TMEM222: variants seen among roughly 807,000 people sequenced by gnomAD.
TMEM222 encodes chromosome 1 open reading frame 160.
TMEM222 carries 18 observed loss-of-function variants against 25.1 expected under a neutral mutation model. That is an observed-to-expected ratio of 0.72 (90% CI 0.50 to 1.06). TMEM222 has a LOEUF of 1.06. Ranked by LOEUF, TMEM222 falls within the 50% of genes least tolerant of loss-of-function variation. TMEM222 has a pLI of 0.00. For missense variants in TMEM222, 296 were observed against 293.7 expected, an observed-to-expected ratio of 1.01 and a Z score of -0.06; for synonymous variants, 131 against 117.9, an observed-to-expected ratio of 1.11 and a Z score of -0.72.
At position 27,322,383 on chromosome 1, in the gene TMEM222, G is replaced by T; in HGVS notation, c.186G>T (p.Pro62=). The change falls in exon 1 of 6, where the codon CCG becomes CCT. Residue 62 remains proline (P), a synonymous_variant. Coordinates refer to ENST00000374076, the MANE Select transcript of TMEM222 (RefSeq NM_032125.3). The part of the protein sequence containing the change: ...FPYCVVWTPI[P]VLTWFFPIIG... ...ACTGCGTGGTGTGGACGCCCATCCC[G>T]GTGCTCACGTGAGTCTCTTCCGGCA... 1 of 1,446,562 alleles carries T rather than the reference G, an allele frequency of 6.9e-7. No individual in the cohort carries two copies. The highest frequency in any genetic ancestry group is 9.2e-7 in the Non-Finnish European group (1 of 1,087,238). The allele number at this position is 1,446,562 out of a possible 1,614,324, so 89.6% of individuals were successfully genotyped here.
intron 1 of TMEM222, among the ~76,000 whole-genome samples, chr1:27,324,324 CA>C (rs920416182): frequency 6.6e-6 from 1 of 150,602 alleles, no homozygotes; most frequent in East Asian, 1.9e-4. Context: ...AACTCCGTTT[CA>C]AAAAAAAAGA....
intron 1 of TMEM222, among the ~76,000 whole-genome samples, chr1:27,326,735 A>G (rs764574462): frequency 1.3e-5 from 2 of 152,094 alleles, no homozygotes; most frequent in Non-Finnish European, 2.9e-5. Flanking sequence ...GAGTTAGCCT[A>G]CCTTCCCAGA....
Position 27,335,415 on chromosome 1 carries a change from CCTT to C in TMEM222, c.579_581del (p.Leu195del). ...TCGTGAAGACCTGGCTGCCCTTCAT[CCTT>C]CTCCTGGGCATCATCCTCACCGTCA... On this transcript the variant is annotated inframe_deletion, in exon 6 of 6. Transcript: ENST00000374076. The C allele has an allele frequency of 6.2e-7, 1 of 1,614,236 alleles. No homozygotes were observed. Among genetic ancestry groups the C allele is most frequent in the South Asian group, 1.1e-5 (1 of 91,082 alleles).
chr1:27,330,181 G>A (rs947438274), intron 1 of TMEM222, among the ~76,000 whole-genome samples: 4 of 151,778 alleles, frequency 2.6e-5, no homozygotes, highest in African/African-American at 7.3e-5. Flanking sequence ...CGTGGATCAC[G>A]AGGTCAAGAG....
chr1:27,334,990 T>C (rs1024520088), intron 5 of TMEM222: 1 of 322,124 alleles, frequency 3.1e-6, no homozygotes, highest in Non-Finnish European at 5.6e-6. Flanking sequence ...GTCCCCATTA[T>C]GAAGTCCATA....
At position 27,334,586 on chromosome 1, in the gene TMEM222, G is replaced by A. The variant is rs556442464; in HGVS notation, c.539+305G>A. The A allele has an allele frequency of 3.0e-5, 43 of 1,442,860 alleles. No individual in the cohort carries two copies. In the East Asian group the frequency reaches 8.2e-4, roughly 28 times the overall value. 89.4% of individuals were successfully genotyped at this position (1,442,860 alleles called of 1,614,324 possible). A position where few individuals can be genotyped will look rare whatever the true frequency, so the allele number is the denominator to read the frequency against. On this transcript the variant is annotated intron_variant, in intron 5 of 5. Transcript: ENST00000374076. ...CTGGTGAAATGCAGGCAATGATTCC[G>A]GCTCCTCAGGGAGGCTTCTACGGAT... is the stretch of plus-strand genomic sequence containing the variant.
In TMEM222 at chr1:27,330,591, C is replaced by T. The variant is rs556760230; in HGVS notation, c.195-129C>T. On this transcript the variant is annotated intron_variant, in intron 1 of 5. Coordinates refer to ENST00000374076, the MANE Select transcript of TMEM222 (RefSeq NM_032125.3). The stretch of plus-strand genomic sequence containing the variant: ...GTGCTTCCCCAGCCTTCTGGACCAC[C>T]CTAATGGCCACCTGTCAATGAAACG... The T allele has an allele frequency of 5.0e-6, 4 of 796,304 alleles. No homozygotes were observed. The South Asian group carries it at 6.3e-5, about 13-fold the overall frequency. 49.3% of individuals were successfully genotyped at this position (796,304 alleles called of 1,614,324 possible).
intron 3 of TMEM222, 172 bp from the exon 4 acceptor site, chr1:27,333,786 A>G (rs948625599): frequency 1.6e-6 from 1 of 610,778 alleles, no homozygotes; most frequent in Admixed American, 2.9e-5. Context: ...GGCACCAGCC[A>G]CCTCACCCTG....
chr1:27,331,047 C>T, intron 2 of TMEM222: 1 of 1,416,318 alleles, frequency 7.1e-7, no homozygotes. Flanking sequence ...CCCTTTGCCC[C>T]CACCCCTGGG....
At chr1:27,325,921 T>C in intron 1 of TMEM222, 2 of 678,270 alleles carry the variant, frequency 2.9e-6, no homozygotes, top group Non-Finnish European at 5.4e-6. Context: ...GAAAAGAAAT[T>C]GTCGTTGAAG....
chr1:27,329,081 T>C (rs1450709213), intron 1 of TMEM222, among the ~76,000 whole-genome samples: 1 of 152,210 alleles, frequency 6.6e-6, no homozygotes, highest in African/African-American at 2.4e-5. Flanking sequence ...AAAGGAACTT[T>C]TATTTCCTGG....
intron 1 of TMEM222, among the ~76,000 whole-genome samples, chr1:27,323,881 A>G (rs1465569137): frequency 6.6e-6 from 1 of 152,242 alleles, no homozygotes; most frequent in Non-Finnish European, 1.5e-5. Flanking sequence ...GTTCTAGGTG[A>G]TGCGAATATA....
chr1:27,330,574 C>T, intron 1 of TMEM222, 146 bp from the exon 2 acceptor site: 1 of 688,562 alleles, frequency 1.5e-6, no homozygotes, highest in Non-Finnish European at 2.6e-6. Flanking sequence ...CTGTGCTTCC[C>T]CAGCCTTCTG....
intron 1 of TMEM222, among the ~76,000 whole-genome samples, chr1:27,323,891 A>T (rs1441726337): frequency 3.9e-5 from 6 of 152,390 alleles, no homozygotes; most frequent in South Asian, 4.1e-4. Flanking sequence ...ATGCGAATAT[A>T]CAGTGATGAA....
Position 27,330,651 on chromosome 1 carries a change from C to A in TMEM222, c.195-69C>A. The stretch of plus-strand genomic sequence containing the variant: ...CATGCTTCTGTACTGTATGAAGGGT[C>A]CCCAGCGTCCGTCTAACTGGCTGAA... On this transcript the variant is annotated intron_variant, in intron 1 of 5. Coordinates refer to ENST00000374076, the MANE Select transcript of TMEM222 (RefSeq NM_032125.3). The A allele has an allele frequency of 5.4e-6, 7 of 1,297,420 alleles. 1 individual carries two copies. Among genetic ancestry groups the A allele is most frequent in the Non-Finnish European group, 6.7e-6 (6 of 891,706 alleles). The allele number at this position is 1,297,420 out of a possible 1,614,324, so 80.4% of individuals were successfully genotyped here.
chr1:27,334,361 CGTCCTT>C, intron 5 of TMEM222, 80 bp downstream of exon 5: 7 of 1,588,354 alleles, frequency 4.4e-6, no homozygotes, highest in Non-Finnish European at 6.0e-6. Context: ...CCATTCCTAG[CGTCCTT>C]CAGTCAGCCA....
chr1:27,332,714 G>T (rs950232651), intron 3 of TMEM222: 1 of 590,656 alleles, frequency 1.7e-6, no homozygotes, highest in Admixed American at 2.8e-5. Flanking sequence ...AGACTGGGCC[G>T]AGGAGGAGTT....
intron 1 of TMEM222, among the ~76,000 whole-genome samples, chr1:27,329,840 G>A (rs905054389): frequency 4.6e-5 from 7 of 152,186 alleles, no homozygotes; most frequent in Non-Finnish European, 1.0e-4. Flanking sequence ...GGTGGCTCAC[G>A]CCTGTAATTC....
At chr1:27,326,699 A>G (rs1392669739) in intron 1 of TMEM222, among the ~76,000 whole-genome samples, 1 of 152,230 alleles carries the variant, frequency 6.6e-6, no homozygotes, top group African/African-American at 2.4e-5. Context: ...AGTAAGGCTT[A>G]GAAGCCAGTG....
Sources: allele counts gnomAD v4.1 joint callset (sites outside exome capture counted in the v4.1 genomes callset), GRCh38; gene constraint gnomAD v4.1.1; transcripts MANE v1.5; gene names NCBI Gene and HGNC (gene_info 2026-07-23, HGNC 2026-07-21).